Variants in CENPC observed in about 807,000 individuals in gnomAD.
CENPC encodes the protein CENP-C 1.
Under a neutral mutation model 112.1 loss-of-function variants are expected in CENPC, and 63 were observed. The observed-to-expected ratio is 0.56, with a 90% CI of 0.46 to 0.69. The LOEUF (loss-of-function observed/expected upper bound fraction) is 0.69, where lower values mean the gene tolerates loss of function less well. CENPC is among the 30% of genes least tolerant of loss of function. The probability of loss-of-function intolerance (pLI) is 0.00; values close to 1 mark genes in which losing one functional copy is unlikely to be tolerated. For synonymous variants in CENPC, 333 were observed against 367.6 expected, an observed-to-expected ratio of 0.91 and a Z score of 1.08; for missense variants, 1,000 against 1,103.8, an observed-to-expected ratio of 0.91 and a Z score of 1.33.
At chr4:67,491,476 TATATAGAGAG>T (rs1287469681) in intron 16 of CENPC, among the ~76,000 whole-genome samples, 327 of 28,446 alleles carry the variant, frequency 0.011, no homozygotes, top group Middle Eastern at 0.019. Context: ...TATATATATA[TATATAGAGAG>T]AGAGAGAGAG....
At chr4:67,481,711 T>A (rs1271823682) in intron 17 of CENPC, among the ~76,000 whole-genome samples, 2 of 151,844 alleles carry the variant, frequency 1.3e-5, no homozygotes, top group African/African-American at 2.4e-5. Flanking sequence ...AGTAGAAAAA[T>A]AAAACTGGAT....
chr4:67,509,193 T>TGTTTATATGC, intron 9 of CENPC, 88 bp from the exon 10 acceptor site: 2 of 739,648 alleles, frequency 2.7e-6, no homozygotes, highest in Non-Finnish European at 4.3e-6. Flanking sequence ...TATTTGCATA[T>TGTTTATATGC]AAACATATAC....
At chr4:67,504,793 G>A (rs1015711367) in intron 12 of CENPC, among the ~76,000 whole-genome samples, 1 of 152,052 alleles carries the variant, frequency 6.6e-6, no homozygotes, top group Non-Finnish European at 1.5e-5. Flanking sequence ...CTGCACTCCA[G>A]CCTGGGAGAC....
At chr4:67,503,894 T>G (rs1725661930) in intron 12 of CENPC, among the ~76,000 whole-genome samples, 1 of 151,940 alleles carries the variant, frequency 6.6e-6, no homozygotes, top group Middle Eastern at 3.4e-3. Flanking sequence ...AAACACAACT[T>G]CTTAGAATAA....
chr4:67,490,515 A>G (rs1725211469), intron 16 of CENPC, among the ~76,000 whole-genome samples: 1 of 152,110 alleles, frequency 6.6e-6, no homozygotes, highest in Non-Finnish European at 1.5e-5. Flanking sequence ...TATTATAGGA[A>G]CTGAGACAGA....
chr4:67,530,749 C>T, intron 5 of CENPC, 66 bp downstream of exon 5: 1 of 709,808 alleles, frequency 1.4e-6, no homozygotes, highest in Non-Finnish European at 2.3e-6. Context: ...GCAACACATG[C>T]ACCATTAGCG....
intron 12 of CENPC, among the ~76,000 whole-genome samples, chr4:67,504,253 A>G (rs542192998): frequency 4.1e-4 from 62 of 152,270 alleles, no homozygotes; most frequent in African/African-American, 1.3e-3. Context: ...ATAACACTAC[A>G]TAGCAAAATC....
chr4:67,476,007 T>A (rs549106102), intron 17 of CENPC, among the ~76,000 whole-genome samples: 1 of 152,158 alleles, frequency 6.6e-6, no homozygotes, highest in African/African-American at 2.4e-5. Flanking sequence ...ATTTAAAAAA[T>A]CGTATTGCCT....
intron 4 of CENPC, among the ~76,000 whole-genome samples, chr4:67,539,059 T>G (rs1726808880): frequency 6.6e-6 from 1 of 152,186 alleles, no homozygotes; most frequent in Admixed American, 6.5e-5. Context: ...ACAATATTAT[T>G]CATAAACATA....
intron 4 of CENPC, among the ~76,000 whole-genome samples, chr4:67,534,636 G>A (rs1316601988): frequency 6.6e-6 from 1 of 152,170 alleles, no homozygotes; most frequent in South Asian, 2.1e-4. Context: ...GACTTGAACC[G>A]CCAAGCGGGA....
At chr4:67,486,110 G>GT (rs760131955) in intron 17 of CENPC, among the ~76,000 whole-genome samples, 2 of 152,082 alleles carry the variant, frequency 1.3e-5, no homozygotes, top group Non-Finnish European at 2.9e-5. Context: ...TATTTCTAGT[G>GT]TTTTTTTCTC....
At chr4:67,503,551 G>A (rs1725650900) in intron 12 of CENPC, among the ~76,000 whole-genome samples, 1 of 151,922 alleles carries the variant, frequency 6.6e-6, no homozygotes, top group Non-Finnish European at 1.5e-5. Flanking sequence ...AGAAATTTTT[G>A]TCAGTTTTGT....
chr4:67,473,630 G>A (rs546519121), intron 18 of CENPC, among the ~76,000 whole-genome samples: 8 of 151,730 alleles, frequency 5.3e-5, no homozygotes, highest in African/African-American at 9.7e-5. Context: ...ACAGCTCACC[G>A]CAACTTTGAA....
At chr4:67,514,797 A>G (rs1487771402) in intron 7 of CENPC, 110 bp from the exon 8 acceptor site, 9 of 1,068,604 alleles carry the variant, frequency 8.4e-6, no homozygotes, top group Non-Finnish European at 1.2e-5. Flanking sequence ...AACTGTTTAT[A>G]TATCTCCTCA....
At position 67,545,327 on chromosome 4, in the gene CENPC, C is replaced by G; in HGVS notation, c.18+11G>C. On this transcript the variant is annotated intron_variant, in intron 1 of 18. Transcript: ENST00000273853. ...TCAACCACTCGCCTGGAGCGGGGGGCCTGCACTTACCAGACCGGACGCAGC... is the reference window on the plus strand; with the variant it reads ...TCAACCACTCGCCTGGAGCGGGGGGGCTGCACTTACCAGACCGGACGCAGC... 6.6e-7 allele frequency: 1 copy of G among 1,504,674 alleles called. No homozygotes were observed. The highest frequency in any genetic ancestry group is 1.3e-5 in the South Asian group (1 of 79,866). The allele number at this position is 1,504,674 out of a possible 1,614,324, so 93.2% of individuals were successfully genotyped here. A position where few individuals can be genotyped will look rare whatever the true frequency, so the allele number is the denominator to read the frequency against.
intron 5 of CENPC, 43 bp downstream of exon 5, chr4:67,530,772 T>C (rs1326430692): frequency 3.0e-6 from 3 of 1,014,292 alleles, no homozygotes; most frequent in Non-Finnish European, 4.3e-6. Context: ...TCTCATTTTT[T>C]AAATATATCC....
chr4:67,489,880 A>G (rs1381983896), intron 17 of CENPC, 87 bp downstream of exon 17: 1 of 1,154,608 alleles, frequency 8.7e-7, no homozygotes, highest in East Asian at 2.6e-5. Flanking sequence ...TTCATTTCTG[A>G]GAAAACAGCA....
Position 67,512,415 on chromosome 4 carries a change from T to A in CENPC, c.1599A>T (p.Val533=). The change falls in exon 9 of 19, where the codon GTA becomes GTT. Residue 533 remains valine, a synonymous_variant. Transcript: ENST00000273853. ...ISRRPSDWWV[V]KSEESPVYSN... is the part of the protein sequence containing the mutation. ...AAAAATACTTACTCTCCTCTGATTT[T>A]ACCACCCACCAATCAGATGGACGCC... 6.3e-7 allele frequency: 1 copy of A among 1,592,674 alleles called. No individual in the cohort carries two copies. Among genetic ancestry groups the A allele is most frequent in the Non-Finnish European group, 8.5e-7 (1 of 1,170,316 alleles).
chr4:67,522,817 T>C (rs62301098), intron 5 of CENPC, among the ~76,000 whole-genome samples: 35,838 of 151,820 alleles, frequency 0.24, 4,549 homozygotes, highest in Non-Finnish European at 0.29. Flanking sequence ...CTGGCCAACA[T>C]GGTGAAACCC....
Sources: allele counts gnomAD v4.1 joint callset (sites outside exome capture counted in the v4.1 genomes callset), GRCh38; gene constraint gnomAD v4.1.1; transcripts MANE v1.5; gene names NCBI Gene and HGNC (gene_info 2026-07-23, HGNC 2026-07-21).